ZNF83: variants seen among roughly 807,000 people sequenced by gnomAD.
The protein encoded by ZNF83 is zinc finger protein 816B.
For synonymous variants in ZNF83, 209 were observed against 213.0 expected (o/e 0.98, Z 0.17); for missense variants, 552 against 629.9 (o/e 0.88, Z 1.32).
chr19:52,651,027 C>G (rs1008645958), intron 3 of ZNF83: 3 of 152,180 alleles, frequency 2.0e-5, no homozygotes, highest in African/African-American at 7.2e-5. Flanking sequence ...TAATTGAGAG[C>G]CTTATCTGAG....
At chr19:52,685,520 T>C (rs1157710622) in intron 1 of ZNF83, among the ~76,000 whole-genome samples, 1 of 152,142 alleles carries the variant, frequency 6.6e-6, no homozygotes, top group Admixed American at 6.6e-5. Flanking sequence ...AATGCAGAAG[T>C]GTGAACACAC....
chr19:52,629,580 C>T (rs1358044433), intron 2 of ZNF83, among the ~76,000 whole-genome samples: 3 of 152,184 alleles, frequency 2.0e-5, no homozygotes. Flanking sequence ...ACTAGCCCTC[C>T]CCCACCTGCC....
intron 1 of ZNF83, among the ~76,000 whole-genome samples, chr19:52,687,598 T>A (rs1460366658): frequency 0.018 from 444 of 25,274 alleles, 10 homozygotes; most frequent in African/African-American, 0.12. Context: ...ATATATATAA[T>A]GTATATATAT....
chr19:52,654,301 A>G (rs1032184061), intron 3 of ZNF83: 22 of 1,513,416 alleles, frequency 1.5e-5, no homozygotes, highest in East Asian at 6.8e-5. Flanking sequence ...AAAATCTCCA[A>G]TGTGATGACT....
In ZNF83 at chr19:52,616,453, A is replaced by G. The variant is rs569380843; in HGVS notation, c.-233-1656T>C. Among the ~76,000 whole-genome samples, 400 of 152,350 alleles carry G rather than the reference A, an allele frequency of 2.6e-3. 1 individual carries two copies. The highest frequency in any genetic ancestry group is 9.3e-3 in the African/African-American group (385 of 41,580). On this transcript the variant is annotated intron_variant, in intron 2 of 2. Transcript: ENST00000301096. The stretch of plus-strand genomic sequence containing the variant: ...TGTTTCTTGCAGCAATATTTACAAT[A>G]GCAAAGACTTAGAACCAACCCAAAT...
intron 2 of ZNF83, among the ~76,000 whole-genome samples, chr19:52,660,435 A>G (rs1218987850): frequency 1.3e-5 from 2 of 152,082 alleles, no homozygotes; most frequent in African/African-American, 4.8e-5. Flanking sequence ...CCTGGCCAAC[A>G]TGGTGAAATC....
intron 1 of ZNF83, chr19:52,674,259 C>T (rs1177429252): frequency 6.6e-6 from 1 of 152,080 alleles, no homozygotes; most frequent in Non-Finnish European, 1.5e-5. Flanking sequence ...AAACCCTAAA[C>T]AAAATAAAGA....
chr19:52,615,471 G>C (rs187560972), intron 2 of ZNF83, among the ~76,000 whole-genome samples: 1 of 152,226 alleles, frequency 6.6e-6, no homozygotes, highest in Admixed American at 6.5e-5. Context: ...AGGTGCGGTG[G>C]CTCATGCCTT....
chr19:52,680,681 C>T lies in ZNF83; in HGVS notation c.-283+9762G>A, dbSNP rs575059775. On this transcript the variant is annotated intron_variant, in intron 1 of 5. Transcript: ENST00000594682. The stretch of plus-strand genomic sequence containing the variant: ...AGGCTGGAGTGCAGTGGCGCGATCT[C>T]GGCTCACTGCAAGCTCCGCCTCCCG... Among the ~76,000 whole-genome samples, 39 of 133,028 alleles carry T rather than the reference C, an allele frequency of 2.9e-4. 1 individual carries two copies. The highest frequency in any genetic ancestry group is 1.1e-3 in the East Asian group (5 of 4,654). The allele number at this position is 133,028 out of a possible 152,430, so 87.3% of individuals were successfully genotyped here.
chr19:52,676,430 G>A (rs935399699), intron 1 of ZNF83, among the ~76,000 whole-genome samples: 1 of 151,984 alleles, frequency 6.6e-6, no homozygotes, highest in Non-Finnish European at 1.5e-5. Flanking sequence ...GAGCGTCTCT[G>A]CCTGGCCGCC....
exon 3 of ZNF83, chr19:52,613,449 A>G: frequency 6.2e-7 from 1 of 1,614,060 alleles, no homozygotes. Flanking sequence ...CACACTTATA[A>G]GGTTTCTCAC....
At chr19:52,658,249 C>T (rs2061533457) in intron 2 of ZNF83, among the ~76,000 whole-genome samples, 1 of 152,050 alleles carries the variant, frequency 6.6e-6, no homozygotes, top group Admixed American at 6.6e-5. Flanking sequence ...CCATCCTACA[C>T]ATTATGAAAG....
At chr19:52,619,948 G>A (rs143706595) in intron 2 of ZNF83, among the ~76,000 whole-genome samples, 1 of 152,058 alleles carries the variant, frequency 6.6e-6, no homozygotes, top group Non-Finnish European at 1.5e-5. Context: ...TACTTGGGAG[G>A]CCGAGGTGGG....
At chr19:52,613,291 C>G in exon 3 of ZNF83, 3 of 1,614,090 alleles carry the variant, frequency 1.9e-6, no homozygotes, top group Non-Finnish European at 2.5e-6. Context: ...AGCTTTTTCT[C>G]CAGTATGAAT....
At chr19:52,629,723 C>G (rs2060880862) in intron 2 of ZNF83, among the ~76,000 whole-genome samples, 1 of 152,178 alleles carries the variant, frequency 6.6e-6, no homozygotes, top group Non-Finnish European at 1.5e-5. Flanking sequence ...CAGTTCATGA[C>G]TCGTTTGGCA....
At chr19:52,680,081 AAGG>A (rs1416683675) in intron 1 of ZNF83, among the ~76,000 whole-genome samples, 7 of 152,262 alleles carry the variant, frequency 4.6e-5, no homozygotes, top group Admixed American at 1.3e-4. Context: ...TGAGAGGCTG[AAGG>A]AGGAGAATTG....
chr19:52,676,916 TG>T (rs1286956528), intron 1 of ZNF83, among the ~76,000 whole-genome samples: 1 of 137,830 alleles, frequency 7.3e-6, no homozygotes, highest in Non-Finnish European at 1.5e-5. Context: ...GTTAAACAGA[TG>T]CTTGAAGGCA....
At chr19:52,654,234 A>C (rs1390635782) in intron 3 of ZNF83, 1 of 1,579,924 alleles carries the variant, frequency 6.3e-7, no homozygotes, top group Non-Finnish European at 8.7e-7. Context: ...CATTTCTTTT[A>C]ATTTCTTGCC....
At chr19:52,614,439 G>T in exon 3 of ZNF83, 1 of 1,613,686 alleles carries the variant, frequency 6.2e-7, no homozygotes, top group Non-Finnish European at 8.5e-7. Flanking sequence ...ATTTTTCCAT[G>T]TGATCATATT....
Sources: allele counts gnomAD v4.1 joint callset (sites outside exome capture counted in the v4.1 genomes callset), GRCh38; gene constraint gnomAD v4.1.1; transcripts MANE v1.5; gene names NCBI Gene and HGNC (gene_info 2026-07-23, HGNC 2026-07-21).